PGAP4: variants seen among roughly 807,000 people sequenced by gnomAD.
PGAP4 encodes the protein GPI-N-acetylgalactosamine transferase PGAP4.
PGAP4 carries 12 observed loss-of-function variants against 28.2 expected under a neutral mutation model. The ratio of observed to expected loss-of-function variants is 0.42; its 90% CI spans 0.27 to 0.69. The LOEUF (loss-of-function observed/expected upper bound fraction) is 0.69. Among genes scored for constraint, PGAP4 ranks in the 30% least tolerant of loss-of-function variants. The pLI, the probability that PGAP4 is intolerant of heterozygous loss-of-function variation, is 0.22. For missense variants in PGAP4, 425 were observed against 513.5 expected (o/e 0.83, Z 1.67); for synonymous variants, 205 against 211.8 (o/e 0.97, Z 0.28).
exon 1 of PGAP4, chr9:101,532,751 C>T: frequency 6.6e-6 from 1 of 152,156 alleles, no homozygotes; most frequent in Admixed American, 6.5e-5. Flanking sequence ...CCAAGATAGT[C>T]AAGGTGTTCC....
At chr9:101,510,455 G>A (rs1826887377) in intron 2 of PGAP4, among the ~76,000 whole-genome samples, 1 of 152,060 alleles carries the variant, frequency 6.6e-6, no homozygotes, top group East Asian at 1.9e-4. Context: ...ATGTGGTGAA[G>A]CAGTTTTGAA....
chr9:101,493,812 A>C (rs1387718721), intron 2 of PGAP4, among the ~76,000 whole-genome samples: 1 of 152,072 alleles, frequency 6.6e-6, no homozygotes, highest in Non-Finnish European at 1.5e-5. Context: ...AAATCCATTT[A>C]GTTTTAGTTT....
chr9:101,524,929 G>A (rs1249238885), intron 2 of PGAP4, among the ~76,000 whole-genome samples: 1 of 152,156 alleles, frequency 6.6e-6, no homozygotes, highest in Non-Finnish European at 1.5e-5. Flanking sequence ...AATTCATAAT[G>A]CGAGCTCCCA....
At position 101,473,330 on chromosome 9, in the gene PGAP4, G is replaced by A. The variant is rs1310872477; in HGVS notation, c.*2551C>T. 6.6e-6 allele frequency: 1 copy of A among 152,176 alleles called. No individual in the cohort carries two copies. Among genetic ancestry groups the A allele is most frequent in the African/African-American group, 2.4e-5 (1 of 41,432 alleles). The allele number at this position is 152,176 out of a possible 1,614,324, so 9.4% of individuals were successfully genotyped here. On this transcript the variant is annotated 3_prime_UTR_variant, in exon 2 of 2. Coordinates refer to ENST00000374848, the MANE Select transcript of PGAP4 (RefSeq NM_032342.3). ...TCTAGTAACCTATATCCCTTGATAT[G>A]GGAAGGATATCTTAGTTCTCCCTAG...
intron 2 of PGAP4, among the ~76,000 whole-genome samples, chr9:101,519,201 A>G (rs999965978): frequency 6.6e-6 from 1 of 152,128 alleles, no homozygotes; most frequent in Non-Finnish European, 1.5e-5. Context: ...TCTGTCACCC[A>G]GGCTGGAGTG....
At chr9:101,508,848 A>G (rs1360977367) in intron 2 of PGAP4, among the ~76,000 whole-genome samples, 1 of 152,122 alleles carries the variant, frequency 6.6e-6, no homozygotes, top group African/African-American at 2.4e-5. Context: ...AGACCATGAC[A>G]CCCGAAATGT....
chr9:101,513,392 C>A (rs1192874150), intron 2 of PGAP4, among the ~76,000 whole-genome samples: 1 of 152,162 alleles, frequency 6.6e-6, no homozygotes, highest in African/African-American at 2.4e-5. Context: ...ATGTTCTAAT[C>A]TATTTTTATC....
At chr9:101,506,134 G>C (rs1826846566) in intron 2 of PGAP4, among the ~76,000 whole-genome samples, 1 of 152,054 alleles carries the variant, frequency 6.6e-6, no homozygotes, top group Non-Finnish European at 1.5e-5. Flanking sequence ...TCTAAACACA[G>C]GCTGCCTATT....
Position 101,475,329 on chromosome 9 carries a change from A to G in PGAP4, c.*552T>C, listed in dbSNP as rs1374451088. 2.6e-5 allele frequency: 4 copies of G among 156,634 alleles called. No homozygotes were observed. The allele number at this position is 156,634 out of a possible 1,614,324, so 9.7% of individuals were successfully genotyped here. A position where few individuals can be genotyped will look rare whatever the true frequency, so the allele number is the denominator to read the frequency against. On this transcript the variant is annotated 3_prime_UTR_variant, in exon 2 of 2. Transcript: ENST00000374848. The stretch of plus-strand genomic sequence containing the variant: ...CAGAAAAGCCAGATCACCTGCCTCC[A>G]AGATGCCGGGCACTGCACGGCTTTT...
chr9:101,514,543 C>T (rs1004296012), intron 2 of PGAP4, among the ~76,000 whole-genome samples: 15 of 151,676 alleles, frequency 9.9e-5, no homozygotes, highest in Admixed American at 9.2e-4. Flanking sequence ...TGTATGTGTG[C>T]CTGTGTGCGT....
chr9:101,521,969 C>T (rs1371064351), intron 2 of PGAP4, among the ~76,000 whole-genome samples: 2 of 152,078 alleles, frequency 1.3e-5, no homozygotes, highest in South Asian at 2.1e-4. Context: ...TCATTTTTGA[C>T]CCAATGCTCA....
intron 1 of PGAP4, among the ~76,000 whole-genome samples, chr9:101,480,161 G>C (rs533503524): frequency 4.6e-5 from 7 of 152,204 alleles, no homozygotes; most frequent in African/African-American, 1.7e-4. Flanking sequence ...CAGGGCTTAA[G>C]ACCCGGCCCC....
intron 2 of PGAP4, chr9:101,501,575 T>C (rs751818715): frequency 4.6e-6 from 2 of 432,088 alleles, no homozygotes; most frequent in African/African-American, 2.0e-5. Flanking sequence ...CCTGGTTAAG[T>C]GGAAAATTGT....
intron 2 of PGAP4, among the ~76,000 whole-genome samples, chr9:101,509,975 C>T (rs766954634): frequency 3.3e-5 from 5 of 152,102 alleles, no homozygotes; most frequent in Non-Finnish European, 4.4e-5. Context: ...TGGTTGGCAA[C>T]GAAAAGTGCA....
intron 2 of PGAP4, among the ~76,000 whole-genome samples, chr9:101,492,248 C>T (rs1482680860): frequency 2.0e-5 from 3 of 151,770 alleles, no homozygotes; most frequent in African/African-American, 2.4e-5. Flanking sequence ...GGCTGGAGTG[C>T]AGTGGCACGA....
rs1490765903 is a variant in PGAP4, at chr9:101,473,561, T to C, written c.*2320A>G. ...AAGACAACTGGCAGAGTTCACTCCA[T>C]GGGGAAAAGGCATGTTAGTGTGTAG... On this transcript the variant is annotated 3_prime_UTR_variant, in exon 2 of 2. Coordinates refer to ENST00000374848, the MANE Select transcript of PGAP4 (RefSeq NM_032342.3). The C allele has an allele frequency of 1.3e-5, 2 of 152,228 alleles. No individual in the cohort carries two copies. Among genetic ancestry groups the C allele is most frequent in the African/African-American group, 4.8e-5 (2 of 41,450 alleles). The allele number at this position is 152,228 out of a possible 1,614,324, so 9.4% of individuals were successfully genotyped here.
chr9:101,501,605 C>T (rs1233702231), intron 2 of PGAP4: 1 of 458,576 alleles, frequency 2.2e-6, no homozygotes, highest in Admixed American at 2.3e-5. Context: ...TTCTGGAAGA[C>T]CTTCATTCTA....
chr9:101,532,334 A>G (rs1564104292), intron 1 of PGAP4, among the ~76,000 whole-genome samples: 1 of 152,170 alleles, frequency 6.6e-6, no homozygotes, highest in Non-Finnish European at 1.5e-5. Flanking sequence ...TGACCATGCA[A>G]AAATATAACC....
At position 101,475,866 on chromosome 9, in the gene PGAP4, G is replaced by C; in HGVS notation, c.*15C>G. ...TCAAGAAGTGGCCAACTTCAGAAAG[G>C]CATCTCTTGGCACCCTAGAGGAGAC... On this transcript the variant is annotated 3_prime_UTR_variant, in exon 2 of 2. Transcript: ENST00000374848. 6.3e-7 allele frequency: 1 copy of C among 1,599,506 alleles called. No individual in the cohort carries two copies. Among genetic ancestry groups the C allele is most frequent in the East Asian group, 2.2e-5 (1 of 44,780 alleles).
Sources: gnomAD v4.1 joint callset for allele counts (sites outside exome capture counted in the v4.1 genomes callset) on GRCh38, gnomAD v4.1.1 for gene constraint, MANE v1.5 for transcripts, NCBI Gene and HGNC (gene_info 2026-07-23, HGNC 2026-07-21) for gene names.